Variants in ATXN1 observed in about 807,000 individuals in gnomAD.
The protein encoded by ATXN1 is ataxin-1.
ATXN1 carries 8 observed loss-of-function variants against 56.4 expected under a neutral mutation model. That is an observed-to-expected ratio of 0.14 (90% CI 0.08 to 0.26). ATXN1 has a LOEUF of 0.26. ATXN1 is among the 10% of genes least tolerant of loss of function. The pLI is 1.00. For missense variants in ATXN1, 987 were observed against 1,106.5 expected (o/e 0.89, Z 1.53); for synonymous variants, 514 against 494.6 (o/e 1.04, Z -0.52).
intron 6 of ATXN1, among the ~76,000 whole-genome samples, chr6:16,345,268 G>T (rs778579490): frequency 6.6e-5 from 10 of 152,142 alleles, no homozygotes; most frequent in Non-Finnish European, 1.2e-4. Context: ...TACTTCTCGG[G>T]TCAGGAAGTA....
intron 4 of ATXN1, among the ~76,000 whole-genome samples, chr6:16,534,368 A>ATG (rs1187818802): frequency 6.6e-6 from 1 of 151,790 alleles, no homozygotes; most frequent in African/African-American, 2.4e-5. Context: ...CCAAATAAAA[A>ATG]TGTGTACCTG....
intron 6 of ATXN1, among the ~76,000 whole-genome samples, chr6:16,345,512 C>T (rs184074219): frequency 1.3e-5 from 2 of 152,296 alleles, no homozygotes; most frequent in African/African-American, 2.4e-5. Flanking sequence ...CTGTACACAT[C>T]GGCCAAGATA....
chr6:16,430,266 T>C (rs952715675), intron 6 of ATXN1, among the ~76,000 whole-genome samples: 3 of 150,960 alleles, frequency 2.0e-5, no homozygotes, highest in Non-Finnish European at 4.4e-5. Context: ...CCAGCAACTA[T>C]TGGAATAAGG....
intron 3 of ATXN1, among the ~76,000 whole-genome samples, chr6:16,601,815 T>G (rs1762917851): frequency 6.6e-6 from 1 of 152,170 alleles, no homozygotes; most frequent in Admixed American, 6.5e-5. Context: ...ATTGCACCAC[T>G]GCATTCCAGC....
intron 6 of ATXN1, among the ~76,000 whole-genome samples, chr6:16,438,388 TC>T (rs1759436315): frequency 6.6e-6 from 1 of 152,256 alleles, no homozygotes; most frequent in Non-Finnish European, 1.5e-5. Context: ...TTATTTTTTC[TC>T]CATTTTTTAA....
chr6:16,623,025 T>C lies in ATXN1; in HGVS notation c.-489+34751A>G, dbSNP rs189261475. 1.1e-3 allele frequency among the ~76,000 whole-genome samples: 175 copies of C among 152,344 alleles called. 1 individual carries two copies. Among genetic ancestry groups the C allele is most frequent in the African/African-American group, 3.9e-3 (163 of 41,584 alleles). On this transcript the variant is annotated intron_variant, in intron 3 of 7. Transcript: ENST00000436367. ...CTGAAATGTATCTATATTGCTCCTA[T>C]ATAGTTTTAGATCATTCACTTTCAT...
chr6:16,624,827 G>A (rs1376039185), intron 3 of ATXN1, among the ~76,000 whole-genome samples: 2 of 152,182 alleles, frequency 1.3e-5, no homozygotes, highest in Admixed American at 6.5e-5. Context: ...TATGCCCGAG[G>A]GGACTGAGTC....
intron 6 of ATXN1, among the ~76,000 whole-genome samples, chr6:16,340,018 C>T (rs1014463247): frequency 6.6e-5 from 10 of 152,256 alleles, no homozygotes; most frequent in African/African-American, 1.7e-4. Flanking sequence ...CTTGACTTCG[C>T]GGTCTGCCCA....
chr6:16,375,315 A>C (rs1420439728), intron 6 of ATXN1, among the ~76,000 whole-genome samples: 3 of 152,120 alleles, frequency 2.0e-5, no homozygotes, highest in African/African-American at 7.2e-5. Context: ...CCTTTTTTTC[A>C]ATTTAAACTT....
intron 6 of ATXN1, among the ~76,000 whole-genome samples, chr6:16,424,270 A>G (rs1043633563): frequency 3.3e-5 from 5 of 152,214 alleles, no homozygotes; most frequent in Non-Finnish European, 5.9e-5. Flanking sequence ...ACGAGAGGGA[A>G]GAAGGACACA....
chr6:16,335,594 G>A (rs1379891956), intron 6 of ATXN1, among the ~76,000 whole-genome samples: 1 of 152,174 alleles, frequency 6.6e-6, no homozygotes, highest in Non-Finnish European at 1.5e-5. Context: ...GAATAAGGAA[G>A]GACAGTGGGT....
At chr6:16,370,466 T>C (rs897148817) in intron 6 of ATXN1, among the ~76,000 whole-genome samples, 3 of 152,222 alleles carry the variant, frequency 2.0e-5, no homozygotes, top group African/African-American at 4.8e-5. Context: ...AAATAAAAAC[T>C]TGTGTTTAGG....
chr6:16,601,040 G>C (rs1349905123), intron 3 of ATXN1, among the ~76,000 whole-genome samples: 3 of 152,122 alleles, frequency 2.0e-5, no homozygotes, highest in African/African-American at 7.2e-5. Flanking sequence ...TAACAATTAG[G>C]CTTGCTCCTG....
At chr6:16,582,822 CTTTATTGAT>C (rs1762553212) in intron 4 of ATXN1, among the ~76,000 whole-genome samples, 1 of 152,158 alleles carries the variant, frequency 6.6e-6, no homozygotes. Flanking sequence ...CTCTCTGAGT[CTTTATTGAT>C]TTTGTAGTTT....
intron 2 of ATXN1, among the ~76,000 whole-genome samples, chr6:16,717,511 GCAGC>G (rs1759663427): frequency 6.6e-6 from 1 of 152,236 alleles, no homozygotes; most frequent in Non-Finnish European, 1.5e-5. Context: ...GCTGATACCT[GCAGC>G]CAGAGAGCAG....
rs573973034 is a variant in ATXN1 at position 16,753,827 on chromosome 6, T to C, written c.-729-480A>G. Among the ~76,000 whole-genome samples the C allele has an allele frequency of 3.3e-5, 5 of 152,312 alleles. No homozygotes were observed. In the East Asian group the frequency reaches 7.7e-4, roughly 23 times the overall value. ...CTATTAGCATACCAGTCCAATGGAA[T>C]AGAAGAAAGGAAAAAATGCAGAAAA... On this transcript the variant is annotated intron_variant, in intron 1 of 7. Transcript: ENST00000436367.
intron 6 of ATXN1, among the ~76,000 whole-genome samples, chr6:16,439,363 GGGCC>G (rs1561896131): frequency 6.5e-5 from 1 of 15,364 alleles, no homozygotes; most frequent in African/African-American, 2.6e-4. Flanking sequence ...GGGGGGGGCG[GGGCC>G]GGGGGCGGGG....
At chr6:16,335,186 C>T (rs766645501) in intron 6 of ATXN1, among the ~76,000 whole-genome samples, 43 of 152,256 alleles carry the variant, frequency 2.8e-4, no homozygotes, top group Non-Finnish European at 5.1e-4. Flanking sequence ...TTTCTTCTTG[C>T]TGTGTCCTCA....
rs77278511 is a variant in ATXN1, at chr6:16,725,080, C to T, written c.-615+28153G>A. Among the ~76,000 whole-genome samples the T allele has an allele frequency of 7.8e-3, 1,192 of 152,180 alleles. 14 individuals are homozygous for T. The highest frequency in any genetic ancestry group is 0.026 in the African/African-American group (1,082 of 41,488). On this transcript the variant is annotated intron_variant, in intron 2 of 7. Coordinates refer to ENST00000436367, the MANE Select transcript of ATXN1 (RefSeq NM_001128164.2). ...GGCAGGTCAGATGACTAAAACTAAC[C>T]GTTTATTAAGTTTTGAAGAATGGAA...
Sources: gnomAD v4.1 joint callset for allele counts (sites outside exome capture counted in the v4.1 genomes callset) on GRCh38, gnomAD v4.1.1 for gene constraint, MANE v1.5 for transcripts, NCBI Gene and HGNC (gene_info 2026-07-23, HGNC 2026-07-21) for gene names.